The following MACROD2 variants were observed in gnomAD, a reference collection of about 807,000 sequenced individuals.
The protein encoded by MACROD2 is mono-ADP ribosylhydrolase 2, also known as ADP-ribose glycohydrolase MACROD2.
MACROD2 carries 36 observed loss-of-function variants against 70.4 expected under a neutral mutation model. That is an observed-to-expected ratio of 0.51 (90% confidence interval 0.39 to 0.68). MACROD2 has a LOEUF of 0.68. MACROD2 is among the 30% of genes least tolerant of loss of function. The probability of loss-of-function intolerance (pLI) is 0.00; values close to 1 mark genes in which losing one functional copy is unlikely to be tolerated. For synonymous variants in MACROD2, 172 were observed against 178.8 expected, an observed-to-expected ratio of 0.96 and a Z score of 0.30; for missense variants, 496 against 538.4, an observed-to-expected ratio of 0.92 and a Z score of 0.78.
Position 13,995,778 on chromosome 20 carries a change from CAAG to C in MACROD2, c.21_23del (p.Lys9del). The C allele has an allele frequency of 1.3e-6, 2 of 1,498,102 alleles. No individual in the cohort carries two copies. The highest frequency in any genetic ancestry group is 1.8e-6 in the Non-Finnish European group (2 of 1,107,648). The allele number at this position is 1,498,102 out of a possible 1,614,324, so 92.8% of individuals were successfully genotyped here. On this transcript the variant is annotated inframe_deletion, in exon 1 of 18. Coordinates refer to ENST00000684519, the MANE Select transcript of MACROD2 (RefSeq NM_001351661.2). The surrounding 1 kb of genome is among the most constrained non-coding windows in gnomAD (Gnocchi z 4.3). ...CCCACGGCAACATGTACCCCAGCAA[CAAG>C]AAGAAAAAGGTGTGGAGAGAGGAGA...
intron 8 of MACROD2, among the ~76,000 whole-genome samples, chr20:15,748,005 T>G (rs1202922990): frequency 6.6e-6 from 1 of 152,196 alleles, no homozygotes; most frequent in East Asian, 1.9e-4. Context: ...TTTATTCTTA[T>G]AAACAGGGTA....
At chr20:15,044,201 G>T (rs2075375915) in intron 5 of MACROD2, among the ~76,000 whole-genome samples, 1 of 152,102 alleles carries the variant, frequency 6.6e-6, no homozygotes. Context: ...CTATTTAGGG[G>T]CCCATCAAGA....
At chr20:14,605,606 C>G (rs1454763048) in intron 4 of MACROD2, among the ~76,000 whole-genome samples, 1 of 152,158 alleles carries the variant, frequency 6.6e-6, no homozygotes, top group Admixed American at 6.6e-5. Flanking sequence ...ACAAGATTTT[C>G]ACTATATACT....
chr20:15,745,233 A>G (rs993367844), intron 8 of MACROD2, among the ~76,000 whole-genome samples: 1 of 152,188 alleles, frequency 6.6e-6, no homozygotes, highest in African/African-American at 2.4e-5. Context: ...ATCATCACAC[A>G]TTTATATCGG....
intron 6 of MACROD2, among the ~76,000 whole-genome samples, chr20:15,421,924 T>C (rs948270959): frequency 2.0e-5 from 3 of 152,260 alleles, no homozygotes; most frequent in Admixed American, 6.5e-5. Context: ...GAAGACCTCT[T>C]CGAGGAGGTG....
chr20:15,483,730 G>T (rs966650075), intron 7 of MACROD2, among the ~76,000 whole-genome samples: 1 of 149,960 alleles, frequency 6.7e-6, no homozygotes, highest in Non-Finnish European at 1.5e-5. Flanking sequence ...GTTCTCCTTT[G>T]ATTTTTTTTT....
At chr20:15,872,800 C>G (rs1485545318) in intron 9 of MACROD2, among the ~76,000 whole-genome samples, 2 of 152,072 alleles carry the variant, frequency 1.3e-5, no homozygotes, top group African/African-American at 4.8e-5. Flanking sequence ...ATTTTCTGTC[C>G]TATAATCTGG....
At chr20:14,325,877 G>A in intron 3 of MACROD2, 1 of 1,613,960 alleles carries the variant, frequency 6.2e-7, no homozygotes, top group Non-Finnish European at 8.5e-7. Context: ...AAAGCAAGAA[G>A]GGCAATGGTA....
chr20:15,520,660 C>T (rs2047640536), intron 8 of MACROD2, among the ~76,000 whole-genome samples: 1 of 152,218 alleles, frequency 6.6e-6, no homozygotes, highest in Non-Finnish European at 1.5e-5. Flanking sequence ...GGCAAGATCC[C>T]ATTGGCTGTA....
intron 15 of MACROD2, among the ~76,000 whole-genome samples, chr20:16,033,047 A>C (rs2067176455): frequency 6.6e-6 from 1 of 152,110 alleles, no homozygotes; most frequent in African/African-American, 2.4e-5. Flanking sequence ...GGCACTTGTT[A>C]ATTAAAACAG....
At chr20:15,996,874 C>G (rs959235015) in intron 15 of MACROD2, among the ~76,000 whole-genome samples, 2 of 152,080 alleles carry the variant, frequency 1.3e-5, no homozygotes, top group African/African-American at 4.8e-5. Flanking sequence ...AAGTTAATTT[C>G]TGTGAGTGGT....
chr20:14,703,032 CATT>C (rs775070553), intron 5 of MACROD2, among the ~76,000 whole-genome samples: 1 of 151,850 alleles, frequency 6.6e-6, no homozygotes, highest in African/African-American at 2.4e-5. Flanking sequence ...CCAACCTAAA[CATT>C]ATATTTTTAA....
chr20:14,025,414 A>C (rs1306187240), intron 2 of MACROD2, among the ~76,000 whole-genome samples: 1 of 151,844 alleles, frequency 6.6e-6, no homozygotes, highest in Admixed American at 6.6e-5. Context: ...TAGCTTTTGA[A>C]TTTGTTTGCT....
chr20:14,424,816 C>G (rs1233080196), intron 3 of MACROD2, among the ~76,000 whole-genome samples: 1 of 152,158 alleles, frequency 6.6e-6, no homozygotes, highest in Non-Finnish European at 1.5e-5. Context: ...TTATAAGGTA[C>G]TTAATTTGAA....
intron 10 of MACROD2, among the ~76,000 whole-genome samples, chr20:15,898,374 A>C (rs2065006518): frequency 6.6e-6 from 1 of 151,662 alleles, no homozygotes; most frequent in Non-Finnish European, 1.5e-5. Context: ...ACATGGTGAA[A>C]CCCCCGTCTC....
At chr20:14,170,346 T>G (rs996282360) in intron 3 of MACROD2, among the ~76,000 whole-genome samples, 9 of 152,220 alleles carry the variant, frequency 5.9e-5, no homozygotes, top group African/African-American at 2.2e-4. Flanking sequence ...TTCTTTCTGT[T>G]GTCTGATAGC....
chr20:15,601,060 A>G (rs1418562377), intron 8 of MACROD2, among the ~76,000 whole-genome samples: 1 of 152,198 alleles, frequency 6.6e-6, no homozygotes, highest in East Asian at 1.9e-4. Flanking sequence ...CCAACAAGAA[A>G]CATACATTAA....
At chr20:16,036,808 C>T (rs2067242614) in intron 15 of MACROD2, among the ~76,000 whole-genome samples, 1 of 152,018 alleles carries the variant, frequency 6.6e-6, no homozygotes, top group African/African-American at 2.4e-5. Flanking sequence ...CACACACATG[C>T]ACGCACGCAC....
chr20:14,724,175 C>G (rs1048705514), intron 5 of MACROD2, among the ~76,000 whole-genome samples: 6 of 152,052 alleles, frequency 3.9e-5, no homozygotes, highest in African/African-American at 1.4e-4. Flanking sequence ...AGTTCTCAGA[C>G]TAAGGTGTTT....
Sources: allele counts gnomAD v4.1 joint callset (sites outside exome capture counted in the v4.1 genomes callset), GRCh38; gene constraint gnomAD v4.1.1; non-coding constraint Gnocchi (gnomAD v3.1); transcripts MANE v1.5; gene names NCBI Gene and HGNC (gene_info 2026-07-23, HGNC 2026-07-21).